Variants in IL1RAPL1 observed in about 807,000 individuals in gnomAD.
The protein encoded by IL1RAPL1 is interleukin 1 receptor accessory protein like 1.
Under a neutral mutation model 48.4 loss-of-function variants are expected in IL1RAPL1, and 3 were observed. That is an observed-to-expected ratio of 0.06 (90% CI 0.03 to 0.16). The LOEUF (loss-of-function observed/expected upper bound fraction) is 0.16. Ranked by LOEUF, IL1RAPL1 falls within the 10% of genes least tolerant of loss-of-function variation. The pLI, the probability that IL1RAPL1 is intolerant of heterozygous loss-of-function variation, is 1.00. For synonymous variants in IL1RAPL1, 185 were observed against 187.7 expected, an observed-to-expected ratio of 0.99 and a Z score of 0.12; for missense variants, 349 against 530.6, an observed-to-expected ratio of 0.66 and a Z score of 3.36.
In IL1RAPL1 at chrX:28,959,709, A is replaced by G. The variant is rs144647406; in HGVS notation, c.82+170284A>G. On this transcript the variant is annotated intron_variant, in intron 2 of 10. Coordinates refer to ENST00000378993, the MANE Select transcript of IL1RAPL1 (RefSeq NM_014271.4). ...AGGACATTCATATTTTGCATTCTGT[A>G]AATATTTGGAAATTTTCTTTTAGAG... Among the ~76,000 whole-genome samples, 162 of 112,052 alleles carry G rather than the reference A, an allele frequency of 1.4e-3. 1 individual carries two copies. Among genetic ancestry groups the G allele is most frequent in the Non-Finnish European group, 1.9e-3 (99 of 53,150 alleles).
At chrX:28,857,978 A>C (rs1055807190) in intron 2 of IL1RAPL1, among the ~76,000 whole-genome samples, 1 of 111,968 alleles carries the variant, frequency 8.9e-6, no homozygotes, top group Admixed American at 9.5e-5. Flanking sequence ...TCATGGGAGG[A>C]GGTCAAAATA....
intron 1 of IL1RAPL1, among the ~76,000 whole-genome samples, chrX:28,590,814 A>G (rs780504857): frequency 8.9e-6 from 1 of 112,331 alleles, no homozygotes; most frequent in Non-Finnish European, 1.9e-5. Flanking sequence ...TGGAAATAAT[A>G]GCAGGATGGA....
intron 2 of IL1RAPL1, among the ~76,000 whole-genome samples, chrX:29,210,285 A>G (rs1483148301): frequency 1.8e-5 from 2 of 111,904 alleles, no homozygotes; most frequent in Non-Finnish European, 3.8e-5. Context: ...TCAAGTATGA[A>G]TGTCATGGAT....
At chrX:29,677,590 A>G (rs1360433902) in intron 6 of IL1RAPL1, among the ~76,000 whole-genome samples, 1 of 111,888 alleles carries the variant, frequency 8.9e-6, no homozygotes, top group African/African-American at 3.2e-5. Context: ...AGATTTTTAC[A>G]TTTTTGTAAG....
chrX:29,371,112 C>T (rs1479520124), intron 3 of IL1RAPL1, among the ~76,000 whole-genome samples: 3 of 103,239 alleles, frequency 2.9e-5, no homozygotes, highest in Middle Eastern at 5.1e-3. Flanking sequence ...ACTTATTTCT[C>T]CTATCTAAAT....
chrX:29,885,293 G>C (rs901123044), intron 6 of IL1RAPL1, among the ~76,000 whole-genome samples: 2 of 112,004 alleles, frequency 1.8e-5, no homozygotes, highest in African/African-American at 6.5e-5. Flanking sequence ...TCTACTGCCA[G>C]CATTTCTGAG....
chrX:29,322,417 C>A (rs764000556), intron 3 of IL1RAPL1, among the ~76,000 whole-genome samples: 6 of 110,504 alleles, frequency 5.4e-5, no homozygotes, highest in Non-Finnish European at 9.5e-5. Context: ...CAGGCATGCA[C>A]CACCATGCCG....
intron 1 of IL1RAPL1, among the ~76,000 whole-genome samples, chrX:28,635,761 T>C (rs1243014787): frequency 8.9e-6 from 1 of 112,140 alleles, no homozygotes; most frequent in African/African-American, 3.2e-5. Context: ...CTAAAGCTTT[T>C]GGATTACTTT....
chrX:28,880,898 T>G (rs753071618), intron 2 of IL1RAPL1, among the ~76,000 whole-genome samples: 6 of 112,435 alleles, frequency 5.3e-5, no homozygotes, highest in Admixed American at 1.9e-4. Flanking sequence ...GTGTGCTTTT[T>G]AATTTTCCTT....
intron 6 of IL1RAPL1, among the ~76,000 whole-genome samples, chrX:29,717,118 C>T (rs1056373703): frequency 2.7e-5 from 3 of 109,713 alleles, no homozygotes; most frequent in African/African-American, 1.0e-4. Flanking sequence ...AGACATTAGA[C>T]TCAAGTAACT....
intron 2 of IL1RAPL1, among the ~76,000 whole-genome samples, chrX:28,966,265 A>T (rs1003375451): frequency 2.7e-5 from 3 of 111,988 alleles, no homozygotes; most frequent in Non-Finnish European, 5.6e-5. Context: ...TTTACTTATT[A>T]GTCACTTGTG....
At chrX:29,914,801 G>A (rs1932784775) in intron 6 of IL1RAPL1, among the ~76,000 whole-genome samples, 1 of 112,455 alleles carries the variant, frequency 8.9e-6, no homozygotes, top group Non-Finnish European at 1.9e-5. Flanking sequence ...GTAGAAATCT[G>A]CAATTGATTT....
chrX:29,698,755 C>G (rs1003768724), intron 6 of IL1RAPL1, among the ~76,000 whole-genome samples: 1 of 112,101 alleles, frequency 8.9e-6, no homozygotes, highest in South Asian at 3.7e-4. Context: ...CTTTGTTATT[C>G]TAAACCTTGG....
intron 2 of IL1RAPL1, among the ~76,000 whole-genome samples, chrX:28,902,715 C>T (rs1037048373): frequency 2.7e-5 from 3 of 111,660 alleles, no homozygotes. Flanking sequence ...CCCCAAACGT[C>T]GGGCCACAGA....
At chrX:29,954,269 T>TAAAAAAAA (rs1933374358) in intron 9 of IL1RAPL1, among the ~76,000 whole-genome samples, 1 of 88,071 alleles carries the variant, frequency 1.1e-5, no homozygotes, top group Admixed American at 1.4e-4. Flanking sequence ...AAAAAGGAAG[T>TAAAAAAAA]CTGCATTTCA....
intron 1 of IL1RAPL1, among the ~76,000 whole-genome samples, chrX:28,693,533 A>G (rs952264975): frequency 1.8e-5 from 2 of 112,632 alleles, no homozygotes; most frequent in Non-Finnish European, 3.7e-5. Context: ...TGCTTGTGTC[A>G]TAAAATGACT....
At chrX:29,802,895 ATATATATGTG>A (rs1377896400) in intron 6 of IL1RAPL1, among the ~76,000 whole-genome samples, 2 of 68,563 alleles carry the variant, frequency 2.9e-5, no homozygotes, top group African/African-American at 6.4e-5. Context: ...ATATGTATAC[ATATATATGTG>A]TATATATGTG....
At chrX:29,301,004 C>G (rs1162102675) in intron 3 of IL1RAPL1, among the ~76,000 whole-genome samples, 1 of 111,945 alleles carries the variant, frequency 8.9e-6, no homozygotes, top group Non-Finnish European at 1.9e-5. Context: ...GTGCAAAGCT[C>G]TACGTCCTTG....
At chrX:28,694,551 A>G (rs193031655) in intron 1 of IL1RAPL1, among the ~76,000 whole-genome samples, 103 of 112,164 alleles carry the variant, frequency 9.2e-4, no homozygotes, top group Non-Finnish European at 1.6e-3. Context: ...ATAATTCACT[A>G]TAGTTAATGA....
Sources: allele counts gnomAD v4.1 joint callset (sites outside exome capture counted in the v4.1 genomes callset), GRCh38; gene constraint gnomAD v4.1.1; transcripts MANE v1.5; gene names NCBI Gene and HGNC (gene_info 2026-07-23, HGNC 2026-07-21).